Variants in ANKRD30B observed in about 807,000 individuals in gnomAD.
The protein encoded by ANKRD30B is ankyrin repeat domain 30B, also known as ankyrin repeat domain-containing protein 30B.
ANKRD30B carries 144 observed loss-of-function variants against 202.2 expected under a neutral mutation model. The observed-to-expected ratio is 0.71, with a 90% CI of 0.62 to 0.82. The LOEUF (loss-of-function observed/expected upper bound fraction) is 0.82, where lower values mean the gene tolerates loss of function less well. Among genes scored for constraint, ANKRD30B ranks in the 40% least tolerant of loss-of-function variants. The probability of loss-of-function intolerance (pLI) is 0.00; values close to 1 mark genes in which losing one functional copy is unlikely to be tolerated. For missense variants in ANKRD30B, 1,487 were observed against 1,669.1 expected (o/e 0.89, Z 1.90); for synonymous variants, 508 against 561.3 (o/e 0.91, Z 1.34).
the ANKRD30B span, among the ~76,000 whole-genome samples, chr18:14,868,304 G>T: frequency 6.6e-6 from 1 of 152,302 alleles, no homozygotes; most frequent in Non-Finnish European, 1.5e-5. Context: ...CCAGGGCAAG[G>T]AGGAGTCCTC....
chr18:14,762,973 T>G (rs1022102972), intron 6 of ANKRD30B, among the ~76,000 whole-genome samples: 2 of 152,194 alleles, frequency 1.3e-5, no homozygotes, highest in African/African-American at 4.8e-5. Context: ...TTTTTATTCA[T>G]TTATCTGCTT....
intron 33 of ANKRD30B, among the ~76,000 whole-genome samples, chr18:14,831,181 G>GGAAAAAAA (rs1267118242): frequency 1.1e-4 from 6 of 52,350 alleles, no homozygotes; most frequent in African/African-American, 3.0e-4. Context: ...CTCCGTCTCG[G>GGAAAAAAA]AAAAAAAAAA....
the ANKRD30B span, among the ~76,000 whole-genome samples, chr18:14,921,905 G>A: frequency 6.6e-6 from 1 of 152,166 alleles, no homozygotes; most frequent in African/African-American, 2.4e-5. Context: ...GGGTCAAAAA[G>A]AAGCCTCCAC....
chr18:14,864,182 A>C, the ANKRD30B span, among the ~76,000 whole-genome samples: 1 of 152,102 alleles, frequency 6.6e-6, no homozygotes. Context: ...CTAAAAATGC[A>C]AAATTAGCTG....
intron 28 of ANKRD30B, among the ~76,000 whole-genome samples, chr18:14,810,440 T>G (rs1969849041): frequency 6.6e-6 from 1 of 151,292 alleles, no homozygotes; most frequent in Admixed American, 6.6e-5. Context: ...AATTTGCAAT[T>G]TCTGTACGTG....
chr18:14,912,175 T>G, the ANKRD30B span, among the ~76,000 whole-genome samples: 1 of 152,212 alleles, frequency 6.6e-6, no homozygotes, highest in Non-Finnish European at 1.5e-5. Flanking sequence ...GTGATCAAAG[T>G]GGGCATCCTT....
Position 14,852,183 on chromosome 18 carries a change from A to G in ANKRD30B, c.4239A>G (p.Glu1413=), listed in dbSNP as rs1306869880. ...AAGATAATGTGGACAAACACACTGA[A>G]CAGCAGGAGTCTCTGGAGCAGAAAT... ...NEQDNVDKHT[E]QQESLEQKLF... Residue 1413 remains glutamate, a synonymous_variant, in exon 42 of 44, where the codon GAA becomes GAG. Coordinates refer to ENST00000690538, the MANE Select transcript of ANKRD30B (RefSeq NM_001367607.2). 4 of 1,594,446 alleles carry G rather than the reference A, an allele frequency of 2.5e-6. No homozygotes were observed. The African/African-American group carries it at 4.1e-5, about 16-fold the overall frequency.
At chr18:14,889,364 ATTTG>A in the ANKRD30B span, among the ~76,000 whole-genome samples, 1 of 152,156 alleles carries the variant, frequency 6.6e-6, no homozygotes, top group African/African-American at 2.4e-5. Flanking sequence ...TACAAGGTTA[ATTTG>A]TTTGTTCATC....
the ANKRD30B span, among the ~76,000 whole-genome samples, chr18:14,862,964 A>T: frequency 6.6e-6 from 1 of 152,160 alleles, no homozygotes; most frequent in Admixed American, 6.5e-5. Context: ...GCCATTTGGG[A>T]ATTGGAATAT....
chr18:14,751,155 CAT>C (rs1263067968), intron 1 of ANKRD30B, among the ~76,000 whole-genome samples: 14 of 151,984 alleles, frequency 9.2e-5, no homozygotes, highest in Admixed American at 3.3e-4. Context: ...TTATTAAACA[CAT>C]TTTTATTATA....
chr18:14,805,835 C>A (rs1190370456), intron 24 of ANKRD30B, among the ~76,000 whole-genome samples: 1 of 149,408 alleles, frequency 6.7e-6, no homozygotes, highest in African/African-American at 2.5e-5. Context: ...ACATTTTTTG[C>A]AAAAATCATA....
At chr18:14,822,802 A>T in intron 32 of ANKRD30B, 125 bp downstream of exon 32, 1 of 1,285,722 alleles carries the variant, frequency 7.8e-7, no homozygotes, top group Non-Finnish European at 1.0e-6. Context: ...TGACACAAAT[A>T]ATGCCAATGT....
the ANKRD30B span, among the ~76,000 whole-genome samples, chr18:14,919,035 C>T: frequency 6.6e-6 from 1 of 152,184 alleles, no homozygotes; most frequent in Non-Finnish European, 1.5e-5. Context: ...TCCCAGCCTC[C>T]AGAACTGTGA....
intron 28 of ANKRD30B, among the ~76,000 whole-genome samples, chr18:14,811,672 G>A (rs1450150403): frequency 2.3e-5 from 2 of 87,118 alleles, no homozygotes; most frequent in Non-Finnish European, 4.5e-5. Context: ...ATAGGTGGTT[G>A]TACAGTGTAA....
At chr18:14,822,916 A>G (rs1361263696) in intron 32 of ANKRD30B, among the ~76,000 whole-genome samples, 1 of 105,574 alleles carries the variant, frequency 9.5e-6, no homozygotes, top group Non-Finnish European at 1.8e-5. Context: ...TCCTGATACT[A>G]TAAAGTTTCC....
At chr18:14,898,367 A>C in the ANKRD30B span, among the ~76,000 whole-genome samples, 82,319 of 151,750 alleles carry the variant, frequency 0.54, 22,760 homozygotes, top group African/African-American at 0.63. Flanking sequence ...AAGGAGCGCA[A>C]AACCTAGATC....
chr18:14,868,159 T>C, the ANKRD30B span, among the ~76,000 whole-genome samples: 1 of 152,278 alleles, frequency 6.6e-6, no homozygotes, highest in Non-Finnish European at 1.5e-5. Flanking sequence ...TTGGCGTCAG[T>C]GCTAATGGTG....
At chr18:14,833,275 T>C (rs1046804782) in intron 34 of ANKRD30B, among the ~76,000 whole-genome samples, 1 of 151,606 alleles carries the variant, frequency 6.6e-6, no homozygotes, top group African/African-American at 2.4e-5. Flanking sequence ...TGAGACGGAG[T>C]CTCGCTCTGT....
At chr18:14,784,897 G>A (rs528818168) in intron 14 of ANKRD30B, among the ~76,000 whole-genome samples, 2 of 152,226 alleles carry the variant, frequency 1.3e-5, no homozygotes, top group Non-Finnish European at 2.9e-5. Context: ...CGGGGATCAA[G>A]TCTTTTACTG....
Sources: allele counts gnomAD v4.1 joint callset (sites outside exome capture counted in the v4.1 genomes callset), GRCh38; gene constraint gnomAD v4.1.1; transcripts MANE v1.5; gene names NCBI Gene and HGNC (gene_info 2026-07-23, HGNC 2026-07-21).